The following CA10 variants were observed in gnomAD, a reference collection of about 807,000 sequenced individuals.
CA10 encodes carbonic anhydrase 10 (inactive).
In CA10, 14 loss-of-function variants were observed where a neutral mutation model predicts 44.2. The observed-to-expected ratio is 0.32, with a 90% confidence interval of 0.21 to 0.50. The LOEUF is 0.50. Among genes scored for constraint, CA10 ranks in the 20% least tolerant of loss-of-function variants. CA10 has a pLI of 0.99. For missense variants in CA10, 350 were observed against 409.7 expected, an observed-to-expected ratio of 0.85 and a Z score of 1.26; for synonymous variants, 159 against 141.6, an observed-to-expected ratio of 1.12 and a Z score of -0.87.
intron 3 of CA10, among the ~76,000 whole-genome samples, chr17:51,918,532 T>C (rs146593488): frequency 2.0e-5 from 3 of 152,326 alleles, no homozygotes; most frequent in Non-Finnish European, 4.4e-5. Context: ...TGTACCTTCA[T>C]CTTATGATAT....
chr17:51,702,535 T>C (rs1915636106), intron 4 of CA10, among the ~76,000 whole-genome samples: 1 of 152,236 alleles, frequency 6.6e-6, no homozygotes, highest in Non-Finnish European at 1.5e-5. Flanking sequence ...ATCACTTTCA[T>C]GAAGGCAGAG....
At chr17:51,897,370 G>T (rs981548174) in intron 3 of CA10, among the ~76,000 whole-genome samples, 1 of 151,840 alleles carries the variant, frequency 6.6e-6, no homozygotes. Context: ...GAGATCAGAT[G>T]GTTGTAGGTG....
intron 2 of CA10, among the ~76,000 whole-genome samples, chr17:51,953,557 A>G (rs1983562469): frequency 6.6e-6 from 1 of 151,998 alleles, no homozygotes; most frequent in South Asian, 2.1e-4. Context: ...GATATTTGAC[A>G]TCTGAGTCTT....
intron 4 of CA10, among the ~76,000 whole-genome samples, chr17:51,746,022 A>T (rs1904674287): frequency 6.6e-6 from 1 of 152,224 alleles, no homozygotes; most frequent in African/African-American, 2.4e-5. Flanking sequence ...ACTCTAGTTC[A>T]GAATCTGCAA....
intron 5 of CA10, among the ~76,000 whole-genome samples, chr17:51,650,001 CCAG>C (rs1913501863): frequency 1.3e-5 from 2 of 151,784 alleles, no homozygotes; most frequent in African/African-American, 4.9e-5. Flanking sequence ...AGCCAGCCAG[CCAG>C]CCACCCACCC....
intron 6 of CA10, among the ~76,000 whole-genome samples, chr17:51,648,579 T>TGAC (rs1358560832): frequency 2.0e-5 from 3 of 152,222 alleles, no homozygotes; most frequent in African/African-American, 2.4e-5. Flanking sequence ...TTGCTGGAGA[T>TGAC]GACAGCAGCA....
At chr17:51,931,213 CGTG>C (rs1982646318) in intron 2 of CA10, 81 bp from the exon 3 acceptor site, 2 of 1,397,224 alleles carry the variant, frequency 1.4e-6, no homozygotes, top group South Asian at 1.3e-5. Flanking sequence ...TATGTACAAA[CGTG>C]GTAAAATGGA....
At chr17:52,029,554 A>C (rs1186051619) in intron 2 of CA10, among the ~76,000 whole-genome samples, 1 of 151,518 alleles carries the variant, frequency 6.6e-6, no homozygotes, top group East Asian at 2.0e-4. Context: ...AAGGTTGCTC[A>C]ACCTCTCAAG....
intron 1 of CA10, among the ~76,000 whole-genome samples, chr17:52,091,119 T>TA (rs1198174887): frequency 6.6e-6 from 1 of 152,004 alleles, no homozygotes; most frequent in African/African-American, 2.4e-5. Context: ...AATCAGCATA[T>TA]AAAAAAGTAT....
intron 3 of CA10, chr17:51,763,121 C>T (rs1034968254): frequency 1.3e-5 from 2 of 152,174 alleles, no homozygotes; most frequent in African/African-American, 4.8e-5. Context: ...AGGATTTTAC[C>T]TTAGGGGTGA....
chr17:52,107,144 C>T (rs1482701991), intron 1 of CA10, among the ~76,000 whole-genome samples: 1 of 152,162 alleles, frequency 6.6e-6, no homozygotes, highest in East Asian at 1.9e-4. Context: ...TGAGGTAGGA[C>T]AGGCACAAGG....
chr17:51,765,117 C>G (rs1402072150), intron 3 of CA10, among the ~76,000 whole-genome samples: 2 of 151,920 alleles, frequency 1.3e-5, no homozygotes, highest in African/African-American at 4.8e-5. Flanking sequence ...CAAATGGTAT[C>G]TGGTTGCAAT....
intron 2 of CA10, among the ~76,000 whole-genome samples, chr17:51,944,370 C>T (rs1467308251): frequency 2.0e-5 from 3 of 152,160 alleles, no homozygotes; most frequent in Admixed American, 6.5e-5. Flanking sequence ...CCAGACCCTG[C>T]CCCTCAATGG....
intron 2 of CA10, among the ~76,000 whole-genome samples, chr17:52,007,643 G>A (rs1203268812): frequency 6.6e-6 from 1 of 151,404 alleles, no homozygotes; most frequent in Admixed American, 6.6e-5. Context: ...ATTTGCTGAT[G>A]TTTTATTTAC....
At chr17:51,887,489 T>C (rs1294520918) in intron 3 of CA10, among the ~76,000 whole-genome samples, 1 of 152,162 alleles carries the variant, frequency 6.6e-6, no homozygotes, top group Non-Finnish European at 1.5e-5. Context: ...TACAGAGTTA[T>C]ATTATGGGAA....
At chr17:51,802,126 C>T (rs1906955460) in intron 3 of CA10, among the ~76,000 whole-genome samples, 1 of 152,156 alleles carries the variant, frequency 6.6e-6, no homozygotes, top group Non-Finnish European at 1.5e-5. Flanking sequence ...AGGTGGAAAG[C>T]CAACTATTAC....
At chr17:51,919,346 C>T (rs1351920861) in intron 3 of CA10, among the ~76,000 whole-genome samples, 2 of 152,080 alleles carry the variant, frequency 1.3e-5, no homozygotes, top group South Asian at 2.1e-4. Context: ...GAATGTACAA[C>T]TGATACCAGC....
intron 3 of CA10, among the ~76,000 whole-genome samples, chr17:51,788,070 T>G (rs1906365028): frequency 6.6e-6 from 1 of 152,158 alleles, no homozygotes; most frequent in Non-Finnish European, 1.5e-5. Flanking sequence ...AAATTTTTCT[T>G]CTTTTTTGAT....
intron 1 of CA10, among the ~76,000 whole-genome samples, chr17:52,083,341 G>A (rs4349191): frequency 0.53 from 80,541 of 151,600 alleles, 22,458 homozygotes; most frequent in African/African-American, 0.69. Flanking sequence ...GAAAATACAT[G>A]GCACCCTGGG....
Sources: allele counts gnomAD v4.1 joint callset (sites outside exome capture counted in the v4.1 genomes callset), GRCh38; gene constraint gnomAD v4.1.1; transcripts MANE v1.5; gene names NCBI Gene and HGNC (gene_info 2026-07-23, HGNC 2026-07-21).